Variants in HECTD4 observed in about 807,000 individuals in gnomAD.
HECTD4 encodes the protein probable E3 ubiquitin-protein ligase HECTD4.
A neutral mutation model predicts 471.5 loss-of-function variants in HECTD4; 114 were observed. The ratio of observed to expected loss-of-function variants is 0.24; its 90% CI spans 0.21 to 0.28. The LOEUF (loss-of-function observed/expected upper bound fraction) is 0.28. Among genes scored for constraint, HECTD4 ranks in the 10% least tolerant of loss-of-function variants. The pLI is 1.00. For missense variants in HECTD4, 3,866 were observed against 5,651.5 expected (o/e 0.68, Z 10.13); for synonymous variants, 2,012 against 2,256.0 (o/e 0.89, Z 3.07).
intron 32 of HECTD4, among the ~76,000 whole-genome samples, chr12:112,241,753 C>T (rs905277660): frequency 2.0e-5 from 3 of 152,154 alleles, no homozygotes; most frequent in Non-Finnish European, 4.4e-5. Flanking sequence ...AGACACTGGG[C>T]CCAACAAAAT....
intron 1 of HECTD4, among the ~76,000 whole-genome samples, chr12:112,359,698 C>T (rs949264045): frequency 2.6e-5 from 4 of 151,930 alleles, no homozygotes; most frequent in African/African-American, 9.7e-5. Context: ...GGATTACAGG[C>T]GTGAGCCACC....
At chr12:112,260,574 G>A (rs915749398) in intron 18 of HECTD4, among the ~76,000 whole-genome samples, 20 of 151,478 alleles carry the variant, frequency 1.3e-4, no homozygotes, top group African/African-American at 4.6e-4. Context: ...ACAAACCAGA[G>A]CAGAATTTTT....
intron 66 of HECTD4, among the ~76,000 whole-genome samples, chr12:112,175,482 T>C (rs1244736710): frequency 1.3e-5 from 2 of 152,200 alleles, no homozygotes; most frequent in Non-Finnish European, 2.9e-5. Flanking sequence ...TTAAGCTCAG[T>C]GTGTGGTGTC....
At chr12:112,172,642 G>A (rs762410161) in intron 67 of HECTD4, 29 bp downstream of exon 67, 3 of 1,607,130 alleles carry the variant, frequency 1.9e-6, no homozygotes, top group African/African-American at 2.7e-5. Flanking sequence ...TCAGGCAGCA[G>A]GGGAGGGGAT....
chr12:112,170,534 T>C, intron 68 of HECTD4, 82 bp from the exon 69 acceptor site: 1 of 1,544,056 alleles, frequency 6.5e-7, no homozygotes, highest in Non-Finnish European at 8.8e-7. Flanking sequence ...TTCCGGTCCC[T>C]GGGTGTGGCA....
intron 62 of HECTD4, among the ~76,000 whole-genome samples, chr12:112,182,337 G>T (rs979666978): frequency 5.2e-5 from 6 of 115,336 alleles, no homozygotes; most frequent in African/African-American, 1.6e-4. Context: ...TTAAAGAAAA[G>T]AATTTTAAAA....
rs1254799888 is a variant in HECTD4, at chr12:112,185,227, GGTCACCGGCCGCCGCCCCCCCGGA to G, written c.9715_9738del (p.Ser3239_Asp3246del). The G allele has an allele frequency of 1.9e-6, 3 of 1,550,910 alleles. No individual in the cohort carries two copies. The South Asian group carries it at 3.6e-5, about 18-fold the overall frequency. ...TGAAAATACGTAGAGAACCTGCCCT[GGTCACCGGCCGCCGCCCCCCCGGA>G]GCCCCCGCAGGCGCCGCCTGAGACC... is the stretch of plus-strand genomic sequence containing the variant. On this transcript the variant is annotated inframe_deletion, in exon 61 of 76. Transcript: ENST00000682272.
chr12:112,281,383 A>G (rs916504510), intron 8 of HECTD4, among the ~76,000 whole-genome samples: 1 of 152,146 alleles, frequency 6.6e-6, no homozygotes. Flanking sequence ...AATTCTAAAT[A>G]TGTCCTTGCC....
chr12:112,344,796 T>C (rs1373046212), intron 1 of HECTD4, among the ~76,000 whole-genome samples: 1 of 151,970 alleles, frequency 6.6e-6, no homozygotes, highest in Non-Finnish European at 1.5e-5. Context: ...CGCATGCCTG[T>C]AATCCCAGCT....
In HECTD4 at chr12:112,161,947, A is replaced by C. The variant is rs2136991853; in HGVS notation, c.*440T>G. ...TGGAGCAACTCCAGCTCGAGGCTGG[A>C]GGGCAGGGCTGGCCACAGGCTTGTC... On this transcript the variant is annotated 3_prime_UTR_variant, in exon 76 of 76. Transcript: ENST00000682272. 6.5e-6 allele frequency: 1 copy of C among 154,554 alleles called. No homozygotes were observed. Among genetic ancestry groups the C allele is most frequent in the East Asian group, 1.9e-4 (1 of 5,252 alleles). The allele number at this position is 154,554 out of a possible 1,614,324, so 9.6% of individuals were successfully genotyped here.
At chr12:112,247,332 T>G (rs2033785195) in intron 28 of HECTD4, 130 bp downstream of exon 28, 4 of 679,062 alleles carry the variant, frequency 5.9e-6, no homozygotes, top group Non-Finnish European at 9.5e-6. Context: ...ATTTACCAAA[T>G]GAGTTCCAAC....
At position 112,217,336 on chromosome 12, in the gene HECTD4, TACAC is replaced by T. The variant is rs71956504; in HGVS notation, c.7075-145_7075-142del. The T allele has an allele frequency of 2.1e-3, 833 of 405,636 alleles. 5 individuals are homozygous for T. The highest frequency in any genetic ancestry group is 0.017 in the East Asian group (437 of 25,780). 25.1% of individuals were successfully genotyped at this position (405,636 alleles called of 1,614,324 possible). A position where few individuals can be genotyped will look rare whatever the true frequency, so the allele number is the denominator to read the frequency against. On this transcript the variant is annotated intron_variant, in intron 45 of 75. Coordinates refer to ENST00000682272, the MANE Select transcript of HECTD4 (RefSeq NM_001388303.1). ...ACACACATACACACACACACACACA[TACAC>T]ACACACACACACACACAATTTATTT...
Position 112,295,148 on chromosome 12 carries a change from A to AGAG in HECTD4, c.1335+10915_1335+10916insCTC, listed in dbSNP as rs1555255997. Among the ~76,000 whole-genome samples the AGAG allele has an allele frequency of 1.7e-4, 26 of 150,150 alleles. No homozygotes were observed. In the East Asian group the frequency reaches 2.2e-3, roughly 12 times the overall value. ...AGCGAAATCCCGTCTGAAAAAAAAA[A>AGAG]AGAGAGAGAAACAAAAATCCCTTCC... On this transcript the variant is annotated intron_variant, in intron 7 of 75. Coordinates refer to ENST00000682272, the MANE Select transcript of HECTD4 (RefSeq NM_001388303.1).
At chr12:112,275,692 A>G (rs2135629274) in intron 9 of HECTD4, among the ~76,000 whole-genome samples, 1 of 152,284 alleles carries the variant, frequency 6.6e-6, no homozygotes, top group South Asian at 2.1e-4. Flanking sequence ...ACAAAACTTT[A>G]GCACTGTGTC....
intron 1 of HECTD4, among the ~76,000 whole-genome samples, chr12:112,342,130 T>C (rs1047827105): frequency 6.6e-6 from 1 of 152,234 alleles, no homozygotes; most frequent in African/African-American, 2.4e-5. Flanking sequence ...AAAGGATTTA[T>C]TGTTGAACTA....
chr12:112,344,650 A>G (rs1279655565), intron 1 of HECTD4, among the ~76,000 whole-genome samples: 1 of 152,202 alleles, frequency 6.6e-6, no homozygotes, highest in Non-Finnish European at 1.5e-5. Flanking sequence ...CAGATGTGGT[A>G]GCTCACACCT....
Position 112,229,200 on chromosome 12 carries a change from A to G in HECTD4, c.6520-389T>C, listed in dbSNP as rs10850018. 0.055 allele frequency among the ~76,000 whole-genome samples: 8,427 copies of G among 152,144 alleles called. 1,290 individuals carry two copies. In the East Asian group the frequency reaches 0.61, roughly 11 times the overall value. On this transcript the variant is annotated intron_variant, in intron 41 of 75. Transcript: ENST00000682272. ...AAACTAGCCAGGCAAGGTGGTGGGC[A>G]CCTGTAATCCCAGCTACTTGGGAGG...
intron 4 of HECTD4, 85 bp from the exon 5 acceptor site, chr12:112,309,754 T>C: frequency 1.6e-6 from 1 of 640,676 alleles, no homozygotes; most frequent in Non-Finnish European, 2.6e-6. Context: ...AAAAAGCCAT[T>C]AGGAGGTTGA....
At chr12:112,223,091 G>A (rs929755686) in intron 44 of HECTD4, among the ~76,000 whole-genome samples, 3 of 152,176 alleles carry the variant, frequency 2.0e-5, no homozygotes, top group African/African-American at 7.2e-5. Context: ...GAATCTTGGA[G>A]CCCTGTTTCT....
Sources: gnomAD v4.1 joint callset for allele counts (sites outside exome capture counted in the v4.1 genomes callset) on GRCh38, gnomAD v4.1.1 for gene constraint, MANE v1.5 for transcripts, NCBI Gene and HGNC (gene_info 2026-07-23, HGNC 2026-07-21) for gene names.